The following ACOX3 variants were observed in gnomAD, a reference collection of about 807,000 sequenced individuals.
ACOX3 encodes the protein peroxisomal acyl-coenzyme A oxidase 3.
ACOX3 carries 73 observed loss-of-function variants against 81.5 expected under a neutral mutation model. The observed-to-expected ratio is 0.90, with a 90% CI of 0.74 to 1.09. ACOX3 has a LOEUF of 1.09. Ranked by LOEUF, ACOX3 falls within the 50% of genes least tolerant of loss-of-function variation. ACOX3 has a pLI of 0.00. For synonymous variants in ACOX3, 387 were observed against 375.1 expected (o/e 1.03, Z -0.37); for missense variants, 947 against 928.0 (o/e 1.02, Z -0.27).
At chr4:8,410,017 ATGCACTGTGGGCGGGGCTGTT>A (rs1021256989) in intron 6 of ACOX3, among the ~76,000 whole-genome samples, 174 bp downstream of exon 6, 6 of 146,802 alleles carry the variant, frequency 4.1e-5, no homozygotes, top group Non-Finnish European at 7.5e-5. Flanking sequence ...GGGCTGTGGA[ATGCACTGTGGGCGGGGCTGTT>A]TGCACTGTGG....
rs896804109 is a variant in ACOX3, at chr4:8,399,413, C to T, written c.873+143G>A. 33 of 687,116 alleles carry T rather than the reference C, an allele frequency of 4.8e-5. No individual in the cohort carries two copies. Among genetic ancestry groups the T allele is most frequent in the Non-Finnish European group, 6.6e-5 (27 of 409,452 alleles). The allele number at this position is 687,116 out of a possible 1,614,324, so 42.6% of individuals were successfully genotyped here. On this transcript the variant is annotated intron_variant, in intron 8 of 17. Transcript: ENST00000356406. The surrounding 1 kb of genome is among the most constrained non-coding windows in gnomAD (Gnocchi z 4.9). ...CCCTTCTAGCGGGAGCACCAGAACC[C>T]GAGCCAGGAGAAGTATGCCCCAGCG... is the stretch of plus-strand genomic sequence containing the variant.
chr4:8,365,237 C>T (rs778566518), downstream of ACOX3, among the ~76,000 whole-genome samples: 3 of 152,222 alleles, frequency 2.0e-5, no homozygotes, highest in Non-Finnish European at 4.4e-5. Flanking sequence ...GCACCACTGA[C>T]GTGTTCTCTG....
chr4:8,377,046 G>A (rs960533253), intron 14 of ACOX3, among the ~76,000 whole-genome samples: 12 of 151,926 alleles, frequency 7.9e-5, no homozygotes, highest in Admixed American at 1.3e-4. Context: ...AGCGGGTGAC[G>A]GCATCTGCAC....
chr4:8,433,486 C>G (rs543988726), intron 1 of ACOX3, among the ~76,000 whole-genome samples: 1 of 152,186 alleles, frequency 6.6e-6, no homozygotes, highest in Non-Finnish European at 1.5e-5. Context: ...AGAATAAATG[C>G]GTGTTGTTTT....
At chr4:8,434,274 G>A (rs946907466) in intron 1 of ACOX3, among the ~76,000 whole-genome samples, 4 of 152,174 alleles carry the variant, frequency 2.6e-5, no homozygotes, top group Non-Finnish European at 5.9e-5. Flanking sequence ...TCTTTTTCGG[G>A]GGGCTCCGCT....
At position 8,437,142 on chromosome 4, in the gene ACOX3, A is replaced by T. The variant is rs1040388391; in HGVS notation, c.-15+3506T>A. On this transcript the variant is annotated intron_variant, in intron 1 of 17. Transcript: ENST00000356406. This position sits in a 1 kb window ranked among gnomAD's most constrained non-coding sequence, Gnocchi z 5.2. ...AAAAATATATGTAAATATATATATA[A>T]ATATATATATAGTGAATACTTCGTT... 2.1e-5 allele frequency among the ~76,000 whole-genome samples: 3 copies of T among 145,884 alleles called. No homozygotes were observed. The highest frequency in any genetic ancestry group is 4.5e-5 in the Non-Finnish European group (3 of 66,706).
intron 1 of ACOX3, among the ~76,000 whole-genome samples, chr4:8,440,141 T>G (rs1724521539): frequency 6.6e-6 from 1 of 150,446 alleles, no homozygotes; most frequent in Admixed American, 6.7e-5. Flanking sequence ...TTCCCATGCT[T>G]GCTCAATTTA....
At position 8,389,180 on chromosome 4, in the gene ACOX3, G is replaced by A. The variant is rs1718665711; in HGVS notation, c.1530C>T (p.Asp510=). The change falls in exon 13 of 18, where the codon GAC becomes GAT. Residue 510 remains aspartate (D), a synonymous_variant. Transcript: ENST00000356406. The surrounding 1 kb of genome is among the most constrained non-coding windows in gnomAD (Gnocchi z 5.3). ...CTCCACCTGTGTGTTTACCTGCAGA[G>A]TCCAAGCAGTCGGCAACACTGGAGA... ...FEVSSVADCL[D]SAVALAAYKW... The A allele has an allele frequency of 6.2e-7, 1 of 1,613,654 alleles. No homozygotes were observed. Among genetic ancestry groups the A allele is most frequent in the Non-Finnish European group, 8.5e-7 (1 of 1,179,766 alleles).
At chr4:8,434,766 T>C (rs1055643213) in intron 1 of ACOX3, among the ~76,000 whole-genome samples, 7 of 152,254 alleles carry the variant, frequency 4.6e-5, no homozygotes, top group Admixed American at 1.3e-4. Flanking sequence ...AAATGCTTGA[T>C]ACTTTGGTTT....
At chr4:8,420,773 G>T (rs1487536069) in intron 1 of ACOX3, among the ~76,000 whole-genome samples, 1 of 152,186 alleles carries the variant, frequency 6.6e-6, no homozygotes, top group Non-Finnish European at 1.5e-5. Context: ...CGCCATCGCA[G>T]ACCCACCACT....
chr4:8,398,921 G>A (rs1016699802), intron 8 of ACOX3, among the ~76,000 whole-genome samples: 3 of 152,174 alleles, frequency 2.0e-5, no homozygotes, highest in Non-Finnish European at 4.4e-5. Context: ...ATCTCCGTTT[G>A]TGAGCAGCTC....
At chr4:8,390,795 T>C (rs1479758280) in intron 11 of ACOX3, among the ~76,000 whole-genome samples, 1 of 152,160 alleles carries the variant, frequency 6.6e-6, no homozygotes, top group African/African-American at 2.4e-5. Flanking sequence ...ATTGCAGCCA[T>C]ACTGCCAACA....
At chr4:8,373,688 C>A in intron 15 of ACOX3, 60 bp from the exon 16 acceptor site, 1 of 1,512,104 alleles carries the variant, frequency 6.6e-7, no homozygotes, top group Admixed American at 1.9e-5. Flanking sequence ...CCCCCAATAC[C>A]AACATGCCCT....
intron 1 of ACOX3, among the ~76,000 whole-genome samples, chr4:8,426,655 G>A (rs1013628075): frequency 6.6e-6 from 1 of 151,790 alleles, no homozygotes; most frequent in Non-Finnish European, 1.5e-5. Context: ...CCATTGTATA[G>A]GAGTTTTTCT....
In ACOX3 at chr4:8,382,189, G is replaced by T. The variant is rs1216270253; in HGVS notation, c.1538-582C>A. Reference sequence around the variant, plus strand: ...TGGCCCCTTCCACAAAGCTCAAAAGGGCAGGAGGGAGCAGATGTTGCAGAC... The same window carrying T: ...TGGCCCCTTCCACAAAGCTCAAAAGTGCAGGAGGGAGCAGATGTTGCAGAC... On this transcript the variant is annotated intron_variant, in intron 13 of 17. Coordinates refer to ENST00000356406, the MANE Select transcript of ACOX3 (RefSeq NM_003501.3). The surrounding 1 kb of genome is among the most constrained non-coding windows in gnomAD (Gnocchi z 4.1). Among the ~76,000 whole-genome samples the T allele has an allele frequency of 6.6e-6, 1 of 152,174 alleles. No individual in the cohort carries two copies. Among genetic ancestry groups the T allele is most frequent in the African/African-American group, 2.4e-5 (1 of 41,450 alleles).
rs750378764 is a variant in ACOX3, at chr4:8,414,366, C to T, written c.469G>A (p.Ala157Thr). 7 of 1,614,044 alleles carry T rather than the reference C, an allele frequency of 4.3e-6. No homozygotes were observed. Among genetic ancestry groups the T allele is most frequent in the Non-Finnish European group, 5.9e-6 (7 of 1,179,964 alleles). Reference protein sequence around the residue: ...IFRMEIFGCFALTELSHGSNT... With the variant: ...IFRMEIFGCFTLTELSHGSNT... ...CTGCCGTGGCTTAATTCGGTCAGAG[C>T]AAAACATCCAAAAATCTAAATGTCA... Residue 157 changes from alanine to threonine, a missense_variant, in exon 5 of 18, where the codon GCT (alanine) becomes ACT (threonine). Transcript: ENST00000356406. This position sits in a 1 kb window ranked among gnomAD's most constrained non-coding sequence, Gnocchi z 6.1.
At chr4:8,422,403 C>G (rs73087797) in intron 1 of ACOX3, among the ~76,000 whole-genome samples, 2,123 of 152,228 alleles carry the variant, frequency 0.014, 46 homozygotes, top group African/African-American at 0.049. Context: ...CAGTGTAATG[C>G]AAACATTAGG....
At chr4:8,422,484 G>A (rs566417637) in intron 1 of ACOX3, among the ~76,000 whole-genome samples, 1 of 152,240 alleles carries the variant, frequency 6.6e-6, no homozygotes, top group Admixed American at 6.5e-5. Context: ...GGCAACCTCG[G>A]TTTTTTTCAC....
chr4:8,415,053 T>C lies in ACOX3; in HGVS notation c.379-125A>G, dbSNP rs536472288. Reference sequence around the variant, plus strand: ...GCTGGTTCCCTGCCACACTGCACTTTCCCCAAGGTGGAGAACAAGTGCTGA... The same window carrying C: ...GCTGGTTCCCTGCCACACTGCACTTCCCCCAAGGTGGAGAACAAGTGCTGA... On this transcript the variant is annotated intron_variant, in intron 3 of 17. Transcript: ENST00000356406. 1.8e-4 allele frequency: 163 copies of C among 893,906 alleles called. 1 individual carries two copies. In the South Asian group the frequency reaches 2.2e-3, roughly 12 times the overall value. The allele number at this position is 893,906 out of a possible 1,614,324, so 55.4% of individuals were successfully genotyped here.
Sources: gnomAD v4.1 joint callset for allele counts (sites outside exome capture counted in the v4.1 genomes callset) on GRCh38, gnomAD v4.1.1 for gene constraint, Gnocchi (gnomAD v3.1) non-coding constraint, MANE v1.5 for transcripts, NCBI Gene and HGNC (gene_info 2026-07-23, HGNC 2026-07-21) for gene names.